KIRREL2: variants seen among roughly 807,000 people sequenced by gnomAD.
KIRREL2 encodes the protein kin of IRRE-like protein 2.
Under a neutral mutation model 73.4 loss-of-function variants are expected in KIRREL2, and 56 were observed. The ratio of observed to expected loss-of-function variants is 0.76; its 90% CI spans 0.62 to 0.95. The LOEUF is 0.95. Ranked by LOEUF, KIRREL2 falls within the 40% of genes least tolerant of loss-of-function variation. The pLI is 0.00. For synonymous variants in KIRREL2, 407 were observed against 404.0 expected (o/e 1.01, Z -0.09); for missense variants, 896 against 935.0 (o/e 0.96, Z 0.54).
At position 35,858,842 on chromosome 19, in the gene KIRREL2, T is replaced by C. The variant is rs774547892; in HGVS notation, c.500T>C (p.Leu167Ser). Residue 167 changes from leucine (L) to serine (S), a missense_variant, in exon 4 of 15, where the codon TTG becomes TCG. Transcript: ENST00000360202. Reference protein sequence around the residue: ...ELLWFRDGVLLDGATFHQTLL... With the variant: ...ELLWFRDGVLSDGATFHQTLL... Reference sequence around the variant, plus strand: ...CTGTGGTTCCGAGATGGGGTCCTGTTGGATGGAGCCACCTTCCATCAGGTC... The same window carrying C: ...CTGTGGTTCCGAGATGGGGTCCTGTCGGATGGAGCCACCTTCCATCAGGTC... The C allele has an allele frequency of 6.2e-7, 1 of 1,614,202 alleles. No homozygotes were observed. Among genetic ancestry groups the C allele is most frequent in the Non-Finnish European group, 8.5e-7 (1 of 1,180,032 alleles).
upstream of KIRREL2, among the ~76,000 whole-genome samples, chr19:35,855,706 C>CACACACACACACACACAT (rs1491182830): frequency 1.4e-4 from 13 of 90,590 alleles, no homozygotes; most frequent in East Asian, 7.7e-4. Context: ...CACACACACA[C>CACACACACACACACACAT]ATACACACAG....
chr19:35,861,960 C>A lies in KIRREL2; in HGVS notation c.1446C>A (p.Ser482Arg), dbSNP rs1483984469. 1 of 1,613,324 alleles carries A rather than the reference C, an allele frequency of 6.2e-7. No homozygotes were observed. The highest frequency in any genetic ancestry group is 8.5e-7 in the Non-Finnish European group (1 of 1,179,792). The change falls in exon 11 of 15, where the codon AGC (serine) becomes AGA (arginine). Residue 482 changes from serine to arginine, a missense_variant. Physicochemically the swap from Ser to Arg is moderately radical, Grantham distance 110. Transcript: ENST00000360202. The stretch of plus-strand genomic sequence containing the variant: ...CCCAGGAGTCTGACTTTAGCAGGAG[C>A]TTTAACTGCAGTGCCCGGAACCGGC... ...SGTQESDFSR[S>R]FNCSARNRLG...
chr19:35,861,643 T>C lies in KIRREL2; in HGVS notation c.1290+2T>C. 1.2e-6 allele frequency: 2 copies of C among 1,612,478 alleles called. No homozygotes were observed. Among genetic ancestry groups the C allele is most frequent in the Non-Finnish European group, 1.7e-6 (2 of 1,179,280 alleles). On this transcript the variant is annotated splice_donor_variant, in intron 10 of 14. Coordinates refer to ENST00000360202, the MANE Select transcript of KIRREL2 (RefSeq NM_199180.4). LOFTEE classifies it high-confidence loss of function. ...GCCTCTCCCGCCCCAGATGCCGTGG[T>C]AAGGAAATGTCACTCCTCCCGTGAC...
chr19:35,863,043 T>G lies in KIRREL2; in HGVS notation c.1725+7T>G, dbSNP rs1973779423. On this transcript the variant is annotated splice_region_variant and intron_variant, in intron 13 of 14. Transcript: ENST00000360202. ...AGGCAGCCGCGAGGACCGGGTAGGA[T>G]GCCAGGGTCCCCAGACCTGACTGTG... 6.6e-7 allele frequency: 1 copy of G among 1,519,052 alleles called. No individual in the cohort carries two copies. The highest frequency in any genetic ancestry group is 1.9e-5 in the Admixed American group (1 of 52,454). 94.1% of individuals were successfully genotyped at this position (1,519,052 alleles called of 1,614,324 possible).
Position 35,861,218 on chromosome 19 carries a change from C to T in KIRREL2, c.1153C>T (p.Arg385Trp), listed in dbSNP as rs764690229. The T allele has an allele frequency of 5.2e-6, 8 of 1,535,796 alleles. No individual in the cohort carries two copies. The highest frequency in any genetic ancestry group is 4.6e-5 in the East Asian group (2 of 43,920). ...CRAEAGLSGL[R>W]GGAAEARLTV... ...AGCTGAGGCTGGGCTATCGGGCCTG[C>T]GGGGCGGCGCCGCGGAGGCTCGGCT... Residue 385 changes from arginine to tryptophan, a missense_variant, in exon 9 of 15, where the codon CGG becomes TGG. Coordinates refer to ENST00000360202, the MANE Select transcript of KIRREL2 (RefSeq NM_199180.4).
rs200879020 is a variant in KIRREL2, at chr19:35,860,998, C to T, written c.1018C>T (p.Leu340Phe). ...CAGCTGCGCCTGGCGCGGGAACCCGCTTCCACGGGTAACCTGGACCCGCCG... is the reference window on the plus strand; with the variant it reads ...CAGCTGCGCCTGGCGCGGGAACCCGTTTCCACGGGTAACCTGGACCCGCCG... ...SFSCAWRGNP[L>F]PRVTWTRRGG... Residue 340 changes from leucine to phenylalanine, a missense_variant, in exon 8 of 15, where the codon CTT (leucine) becomes TTT (phenylalanine). By Grantham distance (22) the Leu-to-Phe change is conservative (BLOSUM62 0). Coordinates refer to ENST00000360202, the MANE Select transcript of KIRREL2 (RefSeq NM_199180.4). 5.6e-6 allele frequency: 9 copies of T among 1,612,800 alleles called. No homozygotes were observed. Among genetic ancestry groups the T allele is most frequent in the Non-Finnish European group, 5.9e-6 (7 of 1,179,654 alleles).
intron 14 of KIRREL2, among the ~76,000 whole-genome samples, chr19:35,865,106 CCCCAGGCCAGA>C (rs1973910775): frequency 6.6e-6 from 1 of 152,060 alleles, no homozygotes; most frequent in Admixed American, 6.6e-5. Flanking sequence ...TCCAGGCCAT[CCCCAGGCCAGA>C]GCACTTCTCT....
intron 3 of KIRREL2, 22 bp downstream of exon 3, chr19:35,858,579 C>G (rs755655929): frequency 3.7e-6 from 6 of 1,612,970 alleles, no homozygotes; most frequent in Admixed American, 1.7e-5. Flanking sequence ...GCCCACTTGT[C>G]CCCTGGGAGC....
chr19:35,861,841 T>C lies in KIRREL2; in HGVS notation c.1327T>C (p.Ser443Pro). The change falls in exon 11 of 15, where the codon TCG becomes CCG. Residue 443 changes from serine to proline, a missense_variant. Physicochemically the swap from Ser to Pro is moderately conservative, Grantham distance 74 (BLOSUM62 -1). Transcript: ENST00000360202. ...GGATGAGGGCTTCCTGGAGGCGGGG[T>C]CGCAGGGCCGGTTCCTGGTGGAGAC... is the stretch of plus-strand genomic sequence containing the variant. ...SWDEGFLEAG[S>P]QGRFLVETFP... 6.3e-7 allele frequency: 1 copy of C among 1,584,486 alleles called. No individual in the cohort carries two copies. Among genetic ancestry groups the C allele is most frequent in the Non-Finnish European group, 8.6e-7 (1 of 1,165,558 alleles).
chr19:35,860,363 T>G lies in KIRREL2; in HGVS notation c.740T>G (p.Leu247Arg). The G allele has an allele frequency of 6.2e-7, 1 of 1,613,920 alleles. No homozygotes were observed. Residue 247 changes from leucine (L) to arginine (R), a missense_variant, in exon 6 of 15, where the codon CTG becomes CGG. Transcript: ENST00000360202. Reference protein sequence around the residue: ...TVQEGEKVIFLCQATAQPPVT... With the variant: ...TVQEGEKVIFRCQATAQPPVT... ...CAGGAGGGAGAGAAGGTCATTTTCC[T>G]GTGCCAGGCCACAGCCCAGCCTCCT...
chr19:35,861,651 T>C lies in KIRREL2; in HGVS notation c.1290+10T>C, dbSNP rs1748828620. 6.2e-7 allele frequency: 1 copy of C among 1,612,106 alleles called. No individual in the cohort carries two copies. Among genetic ancestry groups the C allele is most frequent in the African/African-American group, 1.3e-5 (1 of 74,810 alleles). On this transcript the variant is annotated intron_variant, in intron 10 of 14. Transcript: ENST00000360202. The stretch of plus-strand genomic sequence containing the variant: ...CGCCCCAGATGCCGTGGTAAGGAAA[T>C]GTCACTCCTCCCGTGACCCATCCAG...
At chr19:35,856,178 G>C (rs372853198), upstream of KIRREL2, among the ~76,000 whole-genome samples, 7 of 152,310 alleles carry the variant, frequency 4.6e-5, no homozygotes, top group South Asian at 6.2e-4. The surrounding 1 kb of genome is among the most constrained non-coding windows in gnomAD (Gnocchi z 5.9). Flanking sequence ...CCCCAGCTGG[G>C]CTGCATGGAG....
chr19:35,862,436 C>G, intron 11 of KIRREL2, 57 bp from the exon 12 acceptor site: 1 of 1,275,898 alleles, frequency 7.8e-7, no homozygotes, highest in East Asian at 2.3e-5. Flanking sequence ...AATCCCTGAG[C>G]CCCCGCTTCC....
intron 2 of KIRREL2, 113 bp downstream of exon 2, chr19:35,857,607 C>T (rs1336763365): frequency 3.5e-6 from 4 of 1,138,030 alleles, no homozygotes; most frequent in East Asian, 2.6e-5. Flanking sequence ...TTGATGGGCT[C>T]GGGTAAACAT....
chr19:35,861,078 G>T, intron 8 of KIRREL2, 42 bp downstream of exon 8: 3 of 1,606,252 alleles, frequency 1.9e-6, no homozygotes, highest in Non-Finnish European at 2.6e-6. Flanking sequence ...GGGGGACCAG[G>T]CTTCCTTACA....
At chr19:35,852,109 T>C (rs1973284979), upstream of KIRREL2, among the ~76,000 whole-genome samples, 3 of 150,276 alleles carry the variant, frequency 2.0e-5, no homozygotes, top group Admixed American at 2.0e-4. Flanking sequence ...TTTTTTTTTT[T>C]TTAGAGACGG....
chr19:35,858,788 G>C lies in KIRREL2; in HGVS notation c.446G>C (p.Arg149Pro), dbSNP rs571708243. Residue 149 changes from arginine (R) to proline (P), a missense_variant, in exon 4 of 15, where the codon CGT becomes CCT. Arg to Pro is a moderately radical substitution (Grantham distance 103). Transcript: ENST00000360202. ...GVPANLTCRS[R>P]GDARPTPELL... ...CCTGCGAACCTGACATGTCGGAGCC[G>C]TGGGGATGCCCGCCCTACCCCTGAA... The C allele has an allele frequency of 3.1e-6, 5 of 1,614,198 alleles. 1 individual carries two copies. In the Admixed American group the frequency reaches 6.7e-5, roughly 22 times the overall value.
chr19:35,866,209 T>C lies in KIRREL2; in HGVS notation c.1844T>C (p.Leu615Pro). Reference protein sequence around the residue: ...KVRGVSVSLSLGEAPGGGLFL... With the variant: ...KVRGVSVSLSPGEAPGGGLFL... The stretch of plus-strand genomic sequence containing the variant: ...CGAGGAGTCAGTGTGAGCCTGAGCC[T>C]TGGCGAAGCCCCTGGAGGAGGTCTC... Residue 615 changes from leucine (L) to proline (P), a missense_variant, in exon 15 of 15, where the codon CTT (leucine) becomes CCT (proline). Transcript: ENST00000360202. 6.2e-7 allele frequency: 1 copy of C among 1,613,230 alleles called. No individual in the cohort carries two copies. Among genetic ancestry groups the C allele is most frequent in the Non-Finnish European group, 8.5e-7 (1 of 1,179,632 alleles).
intron 1 of KIRREL2, 28 bp downstream of exon 1, chr19:35,857,208 TGGGGTG>T: frequency 4.5e-5 from 27 of 602,888 alleles, no homozygotes; most frequent in Non-Finnish European, 6.3e-5. Flanking sequence ...CGGAGGAATA[TGGGGTG>T]GGGGTGGGGA....
Sources: gnomAD v4.1 joint callset for allele counts (sites outside exome capture counted in the v4.1 genomes callset) on GRCh38, gnomAD v4.1.1 for gene constraint, Gnocchi (gnomAD v3.1) non-coding constraint, MANE v1.5 for transcripts, NCBI Gene and HGNC (gene_info 2026-07-23, HGNC 2026-07-21) for gene names.